The following GGA2 variants were observed in gnomAD, a reference collection of about 807,000 sequenced individuals.
GGA2 encodes the protein golgi associated, gamma adaptin ear containing, ARF binding protein 2, also known as ADP-ribosylation factor-binding protein GGA2.
GGA2 carries 48 observed loss-of-function variants against 79.5 expected under a neutral mutation model. The observed-to-expected ratio is 0.60, with a 90% CI of 0.48 to 0.77. The LOEUF (loss-of-function observed/expected upper bound fraction) is 0.77, where lower values mean the gene tolerates loss of function less well. GGA2 is among the 30% of genes least tolerant of loss of function. The pLI, the probability that GGA2 is intolerant of heterozygous loss-of-function variation, is 0.00. For missense variants in GGA2, 770 were observed against 774.0 expected, an observed-to-expected ratio of 0.99 and a Z score of 0.06; for synonymous variants, 317 against 302.0, an observed-to-expected ratio of 1.05 and a Z score of -0.51.
chr16:23,467,412 A>G lies in GGA2; in HGVS notation c.*178T>C. On this transcript the variant is annotated 3_prime_UTR_variant, in exon 17 of 17. Transcript: ENST00000309859. ...AACACACACACACACACACACACAC[A>G]CACACACACACACACACACACAGAG... is the stretch of plus-strand genomic sequence containing the variant. 1 of 593,324 alleles carries G rather than the reference A, an allele frequency of 1.7e-6. No individual in the cohort carries two copies. Among genetic ancestry groups the G allele is most frequent in the South Asian group, 1.9e-5 (1 of 52,246 alleles). 36.8% of individuals were successfully genotyped at this position (593,324 alleles called of 1,614,324 possible). A position where few individuals can be genotyped will look rare whatever the true frequency, so the allele number is the denominator to read the frequency against.
intron 4 of GGA2, among the ~76,000 whole-genome samples, chr16:23,492,024 G>A (rs1186094748): frequency 2.0e-5 from 3 of 152,084 alleles, no homozygotes; most frequent in Admixed American, 2.0e-4. Flanking sequence ...CACCATGCAA[G>A]AGCCTGGGTC....
At chr16:23,503,485 T>C (rs970099239) in intron 1 of GGA2, among the ~76,000 whole-genome samples, 3 of 152,246 alleles carry the variant, frequency 2.0e-5, no homozygotes, top group East Asian at 1.9e-4. Context: ...TTATATCTTA[T>C]ATTTGATTTA....
chr16:23,468,119 TCTC>T (rs2142110888), intron 16 of GGA2, among the ~76,000 whole-genome samples: 1 of 128,958 alleles, frequency 7.8e-6, no homozygotes, highest in East Asian at 2.0e-4. Context: ...CTTTTTCTCT[TCTC>T]CTTCCTTCCT....
rs1303031196 is a variant in GGA2 at position 23,467,293 on chromosome 16, A to C, written c.*297T>G. The stretch of plus-strand genomic sequence containing the variant: ...GACAGTGTCGCTCGCTGACATGCAG[A>C]AACATGACTGTAGCAGAGATGATGA... On this transcript the variant is annotated 3_prime_UTR_variant, in exon 17 of 17. Coordinates refer to ENST00000309859, the MANE Select transcript of GGA2 (RefSeq NM_015044.4). 1 of 317,646 alleles carries C rather than the reference A, an allele frequency of 3.1e-6. No individual in the cohort carries two copies. The highest frequency in any genetic ancestry group is 5.9e-6 in the Non-Finnish European group (1 of 170,688). 19.7% of individuals were successfully genotyped at this position (317,646 alleles called of 1,614,324 possible).
At chr16:23,504,316 C>T (rs1964951657) in intron 1 of GGA2, among the ~76,000 whole-genome samples, 1 of 152,208 alleles carries the variant, frequency 6.6e-6, no homozygotes, top group Non-Finnish European at 1.5e-5. Context: ...AAAGTTAGGG[C>T]CTCTCTTGGA....
chr16:23,492,094 T>A (rs1964796187), intron 4 of GGA2, among the ~76,000 whole-genome samples: 1 of 152,202 alleles, frequency 6.6e-6, no homozygotes, highest in Non-Finnish European at 1.5e-5. Context: ...AATATAATAA[T>A]AAAATTTGGT....
intron 6 of GGA2, 125 bp from the exon 7 acceptor site, chr16:23,486,915 A>G (rs1466471513): frequency 4.1e-6 from 3 of 733,604 alleles, no homozygotes; most frequent in Admixed American, 1.8e-5. Flanking sequence ...CATCTCACCA[A>G]ATGGTCCAAG....
At chr16:23,516,578 G>C (rs1051400510) in intron 2 of GGA2, among the ~76,000 whole-genome samples, 1 of 152,034 alleles carries the variant, frequency 6.6e-6, no homozygotes, top group African/African-American at 2.4e-5. Flanking sequence ...ACCACAATCT[G>C]CTCATGTCAT....
Position 23,465,487 on chromosome 16 carries a change from C to T in GGA2, c.*2103G>A, listed in dbSNP as rs1274782265. The T allele has an allele frequency of 1.4e-6, 1 of 698,408 alleles. No homozygotes were observed. Among genetic ancestry groups the T allele is most frequent in the Non-Finnish European group, 2.6e-6 (1 of 382,530 alleles). 43.3% of individuals were successfully genotyped at this position (698,408 alleles called of 1,614,324 possible). On this transcript the variant is annotated 3_prime_UTR_variant, in exon 17 of 17. Coordinates refer to ENST00000309859, the MANE Select transcript of GGA2 (RefSeq NM_015044.4). Reference sequence around the variant, plus strand: ...CTGTCTCCTCAAAAGCAAGAATGTTCAGGTACACATGTGTGAGTTCACCTC... The same window carrying T: ...CTGTCTCCTCAAAAGCAAGAATGTTTAGGTACACATGTGTGAGTTCACCTC...
intron 4 of GGA2, 70 bp from the exon 5 acceptor site, chr16:23,491,870 G>A: frequency 9.1e-7 from 1 of 1,095,548 alleles, no homozygotes; most frequent in Non-Finnish European, 1.4e-6. Flanking sequence ...TAACTAAAGA[G>A]GTAGCTGCTG....
At chr16:23,513,226 T>A (rs1407765388), upstream of GGA2, among the ~76,000 whole-genome samples, 5 of 152,018 alleles carry the variant, frequency 3.3e-5, no homozygotes, top group Non-Finnish European at 7.3e-5. Context: ...TTGTTGGAGC[T>A]CAGAAAACCA....
chr16:23,486,758 G>A lies in GGA2; in HGVS notation c.612C>T (p.Pro204=), dbSNP rs368481420. ...ACCGGTTTGCAGCCTGAAGGTCCTC[G>A]GGGTGGTTGCTCTTTAGAAGCCTTG... ...LLTRLLKSNH[P]EDLQAANRLI... Residue 204 remains proline, a synonymous_variant, in exon 7 of 17, where the codon CCC becomes CCT. Transcript: ENST00000309859. The A allele has an allele frequency of 2.2e-5, 36 of 1,612,110 alleles. No homozygotes were observed. The highest frequency in any genetic ancestry group is 7.7e-5 in the South Asian group (7 of 91,028).
intron 14 of GGA2, among the ~76,000 whole-genome samples, chr16:23,473,531 TTGGCCAGGC>T (rs946879725): frequency 1.3e-5 from 2 of 151,972 alleles, no homozygotes; most frequent in African/African-American, 4.8e-5. Flanking sequence ...TTTCACCATG[TTGGCCAGGC>T]TGGTCTCGAA....
Position 23,497,613 on chromosome 16 carries a change from C to G in GGA2, c.92-1835G>C, listed in dbSNP as rs78684194. Among the ~76,000 whole-genome samples, 947 of 152,314 alleles carry G rather than the reference C, an allele frequency of 6.2e-3. 17 individuals are homozygous for G. Among genetic ancestry groups the G allele is most frequent in the African/African-American group, 0.021 (879 of 41,566 alleles). On this transcript the variant is annotated intron_variant, in intron 1 of 16. Coordinates refer to ENST00000309859, the MANE Select transcript of GGA2 (RefSeq NM_015044.4). ...CTCCTCCCCACCCCCGCAAAGCTCTCTCCCATGTTCCGTATCTTAAAATCC... is the reference window on the plus strand; with the variant it reads ...CTCCTCCCCACCCCCGCAAAGCTCTGTCCCATGTTCCGTATCTTAAAATCC...
At chr16:23,511,911 G>A (rs1965069318), upstream of GGA2, among the ~76,000 whole-genome samples, 1 of 152,210 alleles carries the variant, frequency 6.6e-6, no homozygotes. Context: ...CGACCGGGGT[G>A]AGAGCTGTCC....
chr16:23,512,080 G>A (rs1185805444), upstream of GGA2, among the ~76,000 whole-genome samples: 3 of 152,162 alleles, frequency 2.0e-5, no homozygotes, highest in Non-Finnish European at 2.9e-5. Flanking sequence ...CTGTTGTGCC[G>A]TACCCCTATT....
intron 1 of GGA2, among the ~76,000 whole-genome samples, chr16:23,496,692 C>T (rs1283913907): frequency 6.6e-6 from 1 of 152,136 alleles, no homozygotes; most frequent in Non-Finnish European, 1.5e-5. Context: ...CGCGATGGCT[C>T]ACGCCTGTAA....
intron 2 of GGA2, among the ~76,000 whole-genome samples, chr16:23,516,206 C>T (rs1015694604): frequency 6.6e-6 from 1 of 151,864 alleles, no homozygotes; most frequent in African/African-American, 2.4e-5. Flanking sequence ...AAGATGGGGT[C>T]TTACTATGTT....
Position 23,467,605 on chromosome 16 carries a change from G to T in GGA2, c.1827C>A (p.Val609=). Residue 609 remains valine, a synonymous_variant, in exon 17 of 17, where the codon GTC becomes GTA. Transcript: ENST00000309859. ...TTGTGAAAAGTTAGGCTGCGCCCAA[G>T]ACAGCCAGGTCTGGGAAGTCTTTCA... ...GEVKDFPDLA[V]LGAA The T allele has an allele frequency of 6.4e-7, 1 of 1,574,502 alleles. No individual in the cohort carries two copies. The highest frequency in any genetic ancestry group is 2.2e-5 in the East Asian group (1 of 44,718).
Sources: gnomAD v4.1 joint callset for allele counts (sites outside exome capture counted in the v4.1 genomes callset) on GRCh38, gnomAD v4.1.1 for gene constraint, MANE v1.5 for transcripts, NCBI Gene and HGNC (gene_info 2026-07-23, HGNC 2026-07-21) for gene names.